BDP1: variants seen among roughly 807,000 people sequenced by gnomAD.
BDP1 encodes the protein transcription factor TFIIIB component B'' homolog.
A neutral mutation model predicts 266.6 loss-of-function variants in BDP1; 169 were observed. The observed-to-expected ratio is 0.63, with a 90% CI of 0.56 to 0.72. The LOEUF (loss-of-function observed/expected upper bound fraction) is 0.72, where lower values mean the gene tolerates loss of function less well. Ranked by LOEUF, BDP1 falls within the 30% of genes least tolerant of loss-of-function variation. The pLI is 0.00. For synonymous variants in BDP1, 1,090 were observed against 1,022.4 expected (o/e 1.07, Z -1.26); for missense variants, 3,015 against 3,053.8 (o/e 0.99, Z 0.30).
At chr5:71,509,325 T>C (rs1410904220) in intron 16 of BDP1, 140 bp from the exon 17 acceptor site, 4 of 854,966 alleles carry the variant, frequency 4.7e-6, no homozygotes, top group Non-Finnish European at 6.8e-6. Context: ...TTTTAAATTT[T>C]ACCCAGCGAT....
At chr5:71,527,673 C>A (rs1765975408) in intron 25 of BDP1, among the ~76,000 whole-genome samples, 1 of 152,160 alleles carries the variant, frequency 6.6e-6, no homozygotes. Context: ...CATCAATGGA[C>A]ACTTGGGTTG....
At chr5:71,470,972 A>G (rs1762206798) in intron 7 of BDP1, among the ~76,000 whole-genome samples, 1 of 151,278 alleles carries the variant, frequency 6.6e-6, no homozygotes, top group South Asian at 2.1e-4. Flanking sequence ...CAGTTCTGAT[A>G]TGGGTATAAT....
At chr5:71,484,631 A>G (rs1324821111) in intron 8 of BDP1, among the ~76,000 whole-genome samples, 1 of 152,204 alleles carries the variant, frequency 6.6e-6, no homozygotes, top group Non-Finnish European at 1.5e-5. Flanking sequence ...CTTCAAGTCT[A>G]GAGAAAGATA....
chr5:71,570,230 TCA>T, downstream of BDP1, among the ~76,000 whole-genome samples: 2 of 152,232 alleles, frequency 1.3e-5, no homozygotes, highest in South Asian at 4.1e-4. Flanking sequence ...AATTTCAGAG[TCA>T]CTATCTTAAT....
At chr5:71,475,222 C>T (rs773242589) in intron 7 of BDP1, among the ~76,000 whole-genome samples, 1 of 152,136 alleles carries the variant, frequency 6.6e-6, no homozygotes, top group Non-Finnish European at 1.5e-5. Context: ...ATCCTCCCAC[C>T]TCGGCTTCCT....
chr5:71,470,588 C>CTTT, intron 7 of BDP1, 99 bp downstream of exon 7: 14 of 605,590 alleles, frequency 2.3e-5, no homozygotes, highest in East Asian at 3.5e-5. Context: ...CTTAGTTCAT[C>CTTT]TTTTTTTTTT....
At chr5:71,574,551 C>A in the BDP1 span, among the ~76,000 whole-genome samples, 2 of 152,186 alleles carry the variant, frequency 1.3e-5, no homozygotes, top group African/African-American at 4.8e-5. Flanking sequence ...GGGAGACAAA[C>A]CCATCAAAGT....
rs994614262 is a variant in BDP1, at chr5:71,510,990, G to A, written c.3898G>A (p.Val1300Ile). The A allele has an allele frequency of 1.9e-6, 3 of 1,614,000 alleles. No individual in the cohort carries two copies. The African/African-American group carries it at 4.0e-5, about 22-fold the overall frequency. Residue 1300 changes from valine (V) to isoleucine (I), a missense_variant, in exon 17 of 39, where the codon GTT becomes ATT. Val to Ile is a conservative substitution (Grantham distance 29). Coordinates refer to ENST00000358731, the MANE Select transcript of BDP1 (RefSeq NM_018429.3). ...AGAGAGAGGATCTGAAGAGATCTGT[G>A]TTACTGAGGAAAAGGTGGCAGAATT... The part of the protein sequence containing the change: ...FRERGSEEIC[V>I]TEEKVAELKQ...
Position 71,510,881 on chromosome 5 carries a change from C to T in BDP1, c.3789C>T (p.Pro1263=), listed in dbSNP as rs766366009. 3 of 1,613,658 alleles carry T rather than the reference C, an allele frequency of 1.9e-6. No homozygotes were observed. Among genetic ancestry groups the T allele is most frequent in the Admixed American group, 1.7e-5 (1 of 60,000 alleles). Residue 1263 remains proline, a synonymous_variant, in exon 17 of 39, where the codon CCC becomes CCT. Transcript: ENST00000358731. ...AAGAAACTGGAAAAAGAGACATTCC[C>T]ATCATGGAGAAAGTATCAGGAAAGA... ...DLKETGKRDI[P]IMEKVSGKMA... is the part of the protein sequence containing the mutation.
At chr5:71,576,016 C>T in the BDP1 span, among the ~76,000 whole-genome samples, 1,451 of 152,258 alleles carry the variant, frequency 9.5e-3, 28 homozygotes, top group African/African-American at 0.033. Context: ...GAGAGAAGAT[C>T]GACCAGAGTC....
intron 3 of BDP1, among the ~76,000 whole-genome samples, chr5:71,462,653 C>A (rs1172332449): frequency 6.6e-6 from 1 of 152,040 alleles, no homozygotes; most frequent in African/African-American, 2.4e-5. Context: ...ATTTGGGAGG[C>A]TGAGGCAGGA....
Position 71,562,195 on chromosome 5 carries a change from CAAAAAAAAAAA to C in BDP1, c.7497-61_7497-51del, listed in dbSNP as rs564127239. 677 of 459,240 alleles carry C rather than the reference CAAAAAAAAAAA, an allele frequency of 1.5e-3. 3 individuals are homozygous for C. Among genetic ancestry groups the C allele is most frequent in the Admixed American group, 0.014 (292 of 20,404 alleles). The allele number at this position is 459,240 out of a possible 1,614,324, so 28.4% of individuals were successfully genotyped here. ...CCTGGGTGAGAGTGAGACTGCGTCT[CAAAAAAAAAAA>C]AAAAAAAAAAAAAAAAAGAATGTGT... On this transcript the variant is annotated intron_variant, in intron 37 of 38. Transcript: ENST00000358731.
At chr5:71,538,422 C>T (rs899320594) in intron 26 of BDP1, among the ~76,000 whole-genome samples, 1 of 152,106 alleles carries the variant, frequency 6.6e-6, no homozygotes, top group Non-Finnish European at 1.5e-5. Flanking sequence ...AGAGAAAGAG[C>T]AGTGTTAGTT....
At chr5:71,576,572 T>A in the BDP1 span, among the ~76,000 whole-genome samples, 1 of 152,250 alleles carries the variant, frequency 6.6e-6, no homozygotes, top group Non-Finnish European at 1.5e-5. Flanking sequence ...CAATAGTTCC[T>A]ACCCCCCTCC....
Position 71,534,301 on chromosome 5 carries a change from T to G in BDP1, c.5892+1874T>G, listed in dbSNP as rs374815514. 9.8e-5 allele frequency among the ~76,000 whole-genome samples: 15 copies of G among 152,338 alleles called. 1 individual carries two copies. Among genetic ancestry groups the G allele is most frequent in the African/African-American group, 3.6e-4 (15 of 41,570 alleles). The stretch of plus-strand genomic sequence containing the variant: ...TATCCAACTTATGTCTTTTGCATGT[T>G]GCTATCCATTTGTCCTATCACCATT... On this transcript the variant is annotated intron_variant, in intron 26 of 38. Coordinates refer to ENST00000358731, the MANE Select transcript of BDP1 (RefSeq NM_018429.3).
chr5:71,511,459 A>T, intron 17 of BDP1: 1 of 203,106 alleles, frequency 4.9e-6, no homozygotes, highest in Non-Finnish European at 9.7e-6. Flanking sequence ...CTCTACAAAA[A>T]ATAAGATAAA....
intron 20 of BDP1, 35 bp downstream of exon 20, chr5:71,515,157 G>T: frequency 6.9e-7 from 1 of 1,440,880 alleles, no homozygotes; most frequent in Non-Finnish European, 9.4e-7. Context: ...TATAAAATAA[G>T]AGAGATACTT....
chr5:71,525,452 C>G (rs1320559632), intron 25 of BDP1, among the ~76,000 whole-genome samples: 1 of 129,220 alleles, frequency 7.7e-6, no homozygotes, highest in African/African-American at 2.8e-5. Context: ...TGACACCCCC[C>G]ACCTCCCTCC....
At chr5:71,526,383 G>A (rs1765878664) in intron 25 of BDP1, among the ~76,000 whole-genome samples, 1 of 151,478 alleles carries the variant, frequency 6.6e-6, no homozygotes, top group African/African-American at 2.4e-5. Context: ...TTGGGAGGCC[G>A]AGGTGGGTGG....
Sources: allele counts gnomAD v4.1 joint callset (sites outside exome capture counted in the v4.1 genomes callset), GRCh38; gene constraint gnomAD v4.1.1; transcripts MANE v1.5; gene names NCBI Gene and HGNC (gene_info 2026-07-23, HGNC 2026-07-21).